Variants in TTC21B observed in about 807,000 individuals in gnomAD.
TTC21B encodes tetratricopeptide repeat protein 21B.
A neutral mutation model predicts 175.1 loss-of-function variants in TTC21B; 127 were observed. That is an observed-to-expected ratio of 0.73 (90% confidence interval 0.63 to 0.84). The LOEUF is 0.84. Ranked by LOEUF, TTC21B falls within the 40% of genes least tolerant of loss-of-function variation. The pLI is 0.00. For synonymous variants in TTC21B, 524 were observed against 524.5 expected (o/e 1.00, Z 0.01); for missense variants, 1,561 against 1,558.3 (o/e 1.00, Z -0.03).
intron 11 of TTC21B, among the ~76,000 whole-genome samples, chr2:165,926,165 G>T (rs1686621470): frequency 6.6e-6 from 1 of 152,138 alleles, no homozygotes. Flanking sequence ...TTTCTATCAT[G>T]CTGGTAAAGG....
chr2:165,941,898 T>A (rs1234766609), intron 5 of TTC21B, among the ~76,000 whole-genome samples: 1 of 152,208 alleles, frequency 6.6e-6, no homozygotes, highest in Non-Finnish European at 1.5e-5. Context: ...TTATTTCCAA[T>A]GGTGATGCTC....
chr2:165,906,904 G>C (rs1334868820), intron 19 of TTC21B, among the ~76,000 whole-genome samples: 3 of 137,332 alleles, frequency 2.2e-5, no homozygotes, highest in Non-Finnish European at 4.6e-5. Context: ...GCAGTGAGCT[G>C]AGATCATGCC....
At position 165,929,134 on chromosome 2, in the gene TTC21B, C is replaced by A. The variant is rs764514397; in HGVS notation, c.1386+1G>T. 5.0e-6 allele frequency: 8 copies of A among 1,612,190 alleles called. No individual in the cohort carries two copies. In the Admixed American group the frequency reaches 6.7e-5, roughly 13 times the overall value. On this transcript the variant is annotated splice_donor_variant, in intron 11 of 28. Transcript: ENST00000243344. LOFTEE classifies it high-confidence loss of function. Reference sequence around the variant, plus strand: ...TGAAAGTAAGTCCCATAATTACTTACCTGCATTGGACAGAAGCTCAGATAC... The same window carrying A: ...TGAAAGTAAGTCCCATAATTACTTAACTGCATTGGACAGAAGCTCAGATAC...
chr2:165,909,627 G>A (rs1685861888), intron 18 of TTC21B, among the ~76,000 whole-genome samples: 1 of 152,126 alleles, frequency 6.6e-6, no homozygotes, highest in African/African-American at 2.4e-5. Flanking sequence ...ACGACATAAT[G>A]TCAGGAAGTT....
chr2:165,936,373 G>C (rs1687141640), intron 6 of TTC21B, among the ~76,000 whole-genome samples: 1 of 151,956 alleles, frequency 6.6e-6, no homozygotes, highest in African/African-American at 2.4e-5. Flanking sequence ...AGATAATACA[G>C]GAGAAAATCT....
In TTC21B at chr2:165,891,779, A is replaced by AT. The variant is rs1559042633; in HGVS notation, c.2951-792_2951-791insA. Among the ~76,000 whole-genome samples, 15 of 125,220 alleles carry AT rather than the reference A, an allele frequency of 1.2e-4. No homozygotes were observed. In the East Asian group the frequency reaches 3.3e-3, roughly 27 times the overall value. The allele number at this position is 125,220 out of a possible 152,430, so 82.1% of individuals were successfully genotyped here. ...TATAGACACTACAGAAAATAAGGAA[A>AT]ATATATATAAAAAGTATGAAGAAAA... On this transcript the variant is annotated intron_variant, in intron 22 of 28. Transcript: ENST00000243344.
intron 19 of TTC21B, among the ~76,000 whole-genome samples, chr2:165,902,962 T>C (rs1352680745): frequency 1.3e-5 from 2 of 152,176 alleles, no homozygotes; most frequent in South Asian, 2.1e-4. Context: ...AAGGGTACCA[T>C]CCCAAGGACA....
Position 165,949,664 on chromosome 2 carries a change from C to A in TTC21B, c.82G>T (p.Glu28Ter). ...TCACTTCCATACCTCTTAATTCCTT[C>A]ACTGGCAACCAGTAATACATGATGG... ...YFHHVLLVAS[E>*]GIKRYGSDPV... Residue 28 changes from glutamate (E) to a stop codon, truncating the protein, a stop_gained, in exon 2 of 29, where the codon GAA becomes TAA. Transcript: ENST00000243344. LOFTEE classifies it high-confidence loss of function. The A allele has an allele frequency of 1.2e-6, 2 of 1,613,198 alleles. No homozygotes were observed. Among genetic ancestry groups the A allele is most frequent in the Non-Finnish European group, 1.7e-6 (2 of 1,179,582 alleles).
chr2:165,948,945 T>A (rs1046216658), intron 3 of TTC21B: 7 of 168,942 alleles, frequency 4.1e-5, no homozygotes, highest in African/African-American at 1.4e-4. Context: ...AAAAATTTGC[T>A]GAATATCTCC....
In TTC21B at chr2:165,874,716, TC is replaced by T. The variant is rs1684609089; in HGVS notation, c.*38del. On this transcript the variant is annotated 3_prime_UTR_variant, in exon 29 of 29. Coordinates refer to ENST00000243344, the MANE Select transcript of TTC21B (RefSeq NM_024753.5). The stretch of plus-strand genomic sequence containing the variant: ...GGAAGAACTGAAAGTTAGATTTCTT[TC>T]ATTTCCTGTTAAACCAACACCTAAG... 6.4e-7 allele frequency: 1 copy of T among 1,567,244 alleles called. No homozygotes were observed. Among genetic ancestry groups the T allele is most frequent in the Non-Finnish European group, 8.8e-7 (1 of 1,137,736 alleles).
intron 19 of TTC21B, among the ~76,000 whole-genome samples, chr2:165,906,370 T>C (rs1176214870): frequency 1.3e-5 from 2 of 151,488 alleles, no homozygotes; most frequent in Non-Finnish European, 2.9e-5. Context: ...GTTGACCCTT[T>C]GAAAATATTA....
In TTC21B at chr2:165,924,605, G is replaced by A; in HGVS notation, c.1460C>T (p.Thr487Ile). The change falls in exon 12 of 29, where the codon ACT becomes ATT. Residue 487 changes from threonine (T) to isoleucine (I), a missense_variant. Physicochemically the swap from Thr to Ile is moderately conservative, Grantham distance 89. Coordinates refer to ENST00000243344, the MANE Select transcript of TTC21B (RefSeq NM_024753.5). ...GACTGTTTGCAGAAGACCTGGAACAGTTCTTACTACAGTCTCCAGGACTGA... is the reference window on the plus strand; with the variant it reads ...GACTGTTTGCAGAAGACCTGGAACAATTCTTACTACAGTCTCCAGGACTGA... ...CISVLETVVR[T>I]VPGLLQTVFL... 6.2e-7 allele frequency: 1 copy of A among 1,613,802 alleles called. No homozygotes were observed. The highest frequency in any genetic ancestry group is 8.5e-7 in the Non-Finnish European group (1 of 1,179,812).
At position 165,930,352 on chromosome 2, in the gene TTC21B, G is replaced by GACT; in HGVS notation, c.904_906dup (p.Ser302dup). Reference sequence around the variant, plus strand: ...GTTTGAATTTTTTGAAGAATAAGTTGACTACGTCCACACTAAAAAGAAAAA... The same window carrying GACT: ...GTTTGAATTTTTTGAAGAATAAGTTGACTACTACGTCCACACTAAAAAGAAAAA... On this transcript the variant is annotated inframe_insertion, in exon 9 of 29. Transcript: ENST00000243344. 1 of 1,610,020 alleles carries GACT rather than the reference G, an allele frequency of 6.2e-7. No individual in the cohort carries two copies. Among genetic ancestry groups the GACT allele is most frequent in the Non-Finnish European group, 8.5e-7 (1 of 1,177,788 alleles).
chr2:165,905,074 T>C lies in TTC21B; in HGVS notation c.2568+2604A>G, dbSNP rs111553468. ...TCCAGTGTCTGATACTGAAATAAAA[T>C]ATATCACATTGTGTTCCCTATAAAC... On this transcript the variant is annotated intron_variant, in intron 19 of 28. Coordinates refer to ENST00000243344, the MANE Select transcript of TTC21B (RefSeq NM_024753.5). Among the ~76,000 whole-genome samples, 346 of 152,244 alleles carry C rather than the reference T, an allele frequency of 2.3e-3. 4 individuals are homozygous for C. The highest frequency in any genetic ancestry group is 4.2e-3 in the Non-Finnish European group (287 of 68,014).
chr2:165,882,440 A>G (rs1003917820), intron 26 of TTC21B, among the ~76,000 whole-genome samples: 2 of 152,100 alleles, frequency 1.3e-5, no homozygotes, highest in African/African-American at 4.8e-5. Flanking sequence ...GATTTTATGT[A>G]TTTCAATATA....
chr2:165,875,267 T>C (rs572654023), intron 28 of TTC21B, among the ~76,000 whole-genome samples: 1 of 95,118 alleles, frequency 1.1e-5, no homozygotes, highest in Non-Finnish European at 2.1e-5. Context: ...AGTGGGGAGA[T>C]GCTAGTTTTT....
At position 165,924,600 on chromosome 2, in the gene TTC21B, GAACAGTTCTTACTACAGT is replaced by G. The variant is rs1243712324; in HGVS notation, c.1447_1464del (p.Thr483_Val488del). 1.9e-6 allele frequency: 3 copies of G among 1,613,584 alleles called. No individual in the cohort carries two copies. The South Asian group carries it at 3.3e-5, about 18-fold the overall frequency. ...AGGAAGACTGTTTGCAGAAGACCTG[GAACAGTTCTTACTACAGT>G]CTCCAGGACTGAGATGCAACGCCTG... On this transcript the variant is annotated inframe_deletion, in exon 12 of 29. Transcript: ENST00000243344.
chr2:165,883,407 T>C (rs1684898466), intron 26 of TTC21B, among the ~76,000 whole-genome samples: 1 of 152,198 alleles, frequency 6.6e-6, no homozygotes, highest in Non-Finnish European at 1.5e-5. Context: ...GAAAATGACA[T>C]GCAGCTGCAG....
chr2:165,934,567 G>A (rs572595525), intron 6 of TTC21B, among the ~76,000 whole-genome samples: 1 of 135,136 alleles, frequency 7.4e-6, no homozygotes, highest in East Asian at 2.3e-4. Flanking sequence ...AAAATTATCA[G>A]AGTCCATTGA....
Sources: allele counts gnomAD v4.1 joint callset (sites outside exome capture counted in the v4.1 genomes callset), GRCh38; gene constraint gnomAD v4.1.1; transcripts MANE v1.5; gene names NCBI Gene and HGNC (gene_info 2026-07-23, HGNC 2026-07-21).